Variants in SCHIP1 observed in about 807,000 individuals in gnomAD.
The protein encoded by SCHIP1 is schwannomin interacting protein 1.
SCHIP1 carries 8 observed loss-of-function variants against 29.7 expected under a neutral mutation model. The ratio of observed to expected loss-of-function variants is 0.27; its 90% CI spans 0.16 to 0.49. The LOEUF (loss-of-function observed/expected upper bound fraction) is 0.49, where lower values mean the gene tolerates loss of function less well. Ranked by LOEUF, SCHIP1 falls within the 20% of genes least tolerant of loss-of-function variation. The probability of loss-of-function intolerance (pLI) is 0.99; values close to 1 mark genes in which losing one functional copy is unlikely to be tolerated. For missense variants in SCHIP1, 193 were observed against 294.6 expected, an observed-to-expected ratio of 0.66 and a Z score of 2.52; for synonymous variants, 76 against 94.9, an observed-to-expected ratio of 0.80 and a Z score of 1.16.
At chr3:159,828,450 T>TGTATATATAC in the SCHIP1 span, among the ~76,000 whole-genome samples, 1 of 126,344 alleles carries the variant, frequency 7.9e-6, no homozygotes, top group Admixed American at 7.9e-5. Context: ...CGTATATATA[T>TGTATATATAC]ACGTATATAT....
At chr3:159,893,479 C>T (rs1577507823) in intron 6 of SCHIP1, 1 of 152,048 alleles carries the variant, frequency 6.6e-6, no homozygotes, top group Non-Finnish European at 1.5e-5. Context: ...TATGGGAAAT[C>T]GGTGGTGAAA....
chr3:159,843,691 C>T (rs762478408), intron 1 of SCHIP1, among the ~76,000 whole-genome samples: 26 of 151,818 alleles, frequency 1.7e-4, no homozygotes, highest in Non-Finnish European at 3.1e-4. Flanking sequence ...GCCAAGGTGG[C>T]GGGCACCTGT....
the SCHIP1 span, among the ~76,000 whole-genome samples, chr3:159,533,287 C>A: frequency 6.6e-6 from 1 of 152,058 alleles, no homozygotes; most frequent in South Asian, 2.1e-4. Context: ...GTGCAATCTC[C>A]CCGTGAGAGA....
At chr3:159,531,055 T>C in the SCHIP1 span, among the ~76,000 whole-genome samples, 4 of 152,366 alleles carry the variant, frequency 2.6e-5, no homozygotes, top group Non-Finnish European at 4.4e-5. Context: ...TGTGGACATA[T>C]GGCACTTGCA....
chr3:159,281,829 A>G, the SCHIP1 span, among the ~76,000 whole-genome samples: 1 of 152,194 alleles, frequency 6.6e-6, no homozygotes, highest in Non-Finnish European at 1.5e-5. Flanking sequence ...GAAATGTTAA[A>G]AAATATATCT....
At chr3:159,525,930 T>C in the SCHIP1 span, among the ~76,000 whole-genome samples, 1 of 152,238 alleles carries the variant, frequency 6.6e-6, no homozygotes, top group African/African-American at 2.4e-5. Context: ...AACTTTTTGT[T>C]TGAATTCAAT....
the SCHIP1 span, among the ~76,000 whole-genome samples, chr3:159,701,006 C>T: frequency 6.6e-6 from 1 of 152,058 alleles, no homozygotes; most frequent in Non-Finnish European, 1.5e-5. Context: ...TCAGTTTCCT[C>T]AACTTAAAAT....
the SCHIP1 span, among the ~76,000 whole-genome samples, chr3:159,740,951 C>T: frequency 1.3e-5 from 2 of 152,058 alleles, no homozygotes; most frequent in Non-Finnish European, 2.9e-5. Flanking sequence ...TCAAGCTCTT[C>T]GACACTCCCC....
the SCHIP1 span, among the ~76,000 whole-genome samples, chr3:159,464,350 C>A: frequency 2.0e-5 from 3 of 152,072 alleles, no homozygotes; most frequent in Non-Finnish European, 4.4e-5. Context: ...TGCTATGCAC[C>A]CTTGCACAAT....
the SCHIP1 span, among the ~76,000 whole-genome samples, chr3:159,353,781 C>CAA: frequency 6.6e-6 from 1 of 152,090 alleles, no homozygotes. Context: ...ATAAATTTTT[C>CAA]AACCAAGATG....
At chr3:159,492,247 C>T in the SCHIP1 span, among the ~76,000 whole-genome samples, 2 of 152,150 alleles carry the variant, frequency 1.3e-5, no homozygotes, top group African/African-American at 4.8e-5. Context: ...CAAAGCTGGA[C>T]AGAGAATGAC....
chr3:159,863,486 A>G (rs1284877988), intron 1 of SCHIP1, among the ~76,000 whole-genome samples: 1 of 152,222 alleles, frequency 6.6e-6, no homozygotes, highest in African/African-American at 2.4e-5. Context: ...TCTGGAGGAA[A>G]AAATTTTAAA....
chr3:159,886,307 A>G, exon 3 of SCHIP1: 1 of 1,613,746 alleles, frequency 6.2e-7, no homozygotes, highest in Non-Finnish European at 8.5e-7. Flanking sequence ...CAGCTTGGAC[A>G]CCCCCTTGTC....
chr3:159,836,535 A>G (rs1743673220), upstream of SCHIP1, among the ~76,000 whole-genome samples: 1 of 152,218 alleles, frequency 6.6e-6, no homozygotes, highest in Non-Finnish European at 1.5e-5. Context: ...GTATGAACCC[A>G]GAAAATCATG....
At chr3:159,494,021 G>C in the SCHIP1 span, among the ~76,000 whole-genome samples, 5 of 152,184 alleles carry the variant, frequency 3.3e-5, no homozygotes, top group African/African-American at 1.2e-4. Context: ...ATAAAAAAAT[G>C]AAGGCAGAAA....
chr3:159,682,953 C>G, the SCHIP1 span, among the ~76,000 whole-genome samples: 1 of 152,156 alleles, frequency 6.6e-6, no homozygotes, highest in African/African-American at 2.4e-5. Context: ...TAAGTTTGAT[C>G]TTCGGACCAC....
chr3:159,626,297 TAG>T, the SCHIP1 span, among the ~76,000 whole-genome samples: 2 of 141,446 alleles, frequency 1.4e-5, no homozygotes. Flanking sequence ...GATAGATAGA[TAG>T]ATTTTTTTTT....
chr3:159,714,750 C>T, the SCHIP1 span, among the ~76,000 whole-genome samples: 1 of 152,218 alleles, frequency 6.6e-6, no homozygotes, highest in African/African-American at 2.4e-5. Flanking sequence ...AGCTGGGAAG[C>T]TCGAACTGGG....
the SCHIP1 span, among the ~76,000 whole-genome samples, chr3:159,809,305 A>G: frequency 2.4e-4 from 37 of 152,290 alleles, no homozygotes; most frequent in African/African-American, 8.7e-4. Flanking sequence ...TGTCCCTGCA[A>G]AGGACATGAA....
Sources: allele counts gnomAD v4.1 joint callset (sites outside exome capture counted in the v4.1 genomes callset), GRCh38; gene constraint gnomAD v4.1.1; transcripts MANE v1.5; gene names NCBI Gene and HGNC (gene_info 2026-07-23, HGNC 2026-07-21).